Variants in RIMKLA observed in about 807,000 individuals in gnomAD.
RIMKLA encodes ribosomal modification protein rimK like family member A.
A neutral mutation model predicts 32.7 loss-of-function variants in RIMKLA; 14 were observed. The ratio of observed to expected loss-of-function variants is 0.43; its 90% CI spans 0.28 to 0.67. The LOEUF is 0.67. RIMKLA is among the 30% of genes least tolerant of loss of function. RIMKLA has a pLI of 0.18. For synonymous variants in RIMKLA, 176 were observed against 204.1 expected, an observed-to-expected ratio of 0.86 and a Z score of 1.18; for missense variants, 410 against 519.0, an observed-to-expected ratio of 0.79 and a Z score of 2.04.
chr1:42,397,121 C>T (rs1271839690), intron 1 of RIMKLA, among the ~76,000 whole-genome samples: 16 of 152,132 alleles, frequency 1.1e-4, no homozygotes, highest in Non-Finnish European at 1.5e-5. Flanking sequence ...ACATGATCAG[C>T]GGAAGTACAA....
chr1:42,388,489 G>A (rs187810627), intron 1 of RIMKLA, among the ~76,000 whole-genome samples: 15 of 150,920 alleles, frequency 9.9e-5, no homozygotes, highest in African/African-American at 3.4e-4. Flanking sequence ...ACAGGCATGA[G>A]CCACTGTGCT....
Position 42,410,147 on chromosome 1 carries a change from C to A in RIMKLA, c.645C>A (p.Arg215=). ...VGGQVIGSML[R]CSTDGRMQSN... is the part of the protein sequence containing the mutation. ...GCCAGGTCATAGGCTCTATGCTTCG[C>A]TGCTCCACTGATGGACGGATGCAGA... The change falls in exon 4 of 5, where the codon CGC becomes CGA. Residue 215 remains arginine (R), a synonymous_variant. Transcript: ENST00000431473. 1 of 1,614,218 alleles carries A rather than the reference C, an allele frequency of 6.2e-7. No individual in the cohort carries two copies. The highest frequency in any genetic ancestry group is 8.5e-7 in the Non-Finnish European group (1 of 1,180,034).
At chr1:42,387,396 CA>C (rs11418573) in intron 1 of RIMKLA, among the ~76,000 whole-genome samples, 8 of 148,452 alleles carry the variant, frequency 5.4e-5, no homozygotes, top group South Asian at 2.1e-4. Context: ...GACCCTGTTT[CA>C]AAAAAAAAAA....
Position 42,417,432 on chromosome 1 carries a change from C to G in RIMKLA, c.*2458C>G, listed in dbSNP as rs935514536. On this transcript the variant is annotated 3_prime_UTR_variant, in exon 5 of 5. Coordinates refer to ENST00000431473, the MANE Select transcript of RIMKLA (RefSeq NM_173642.4). ...ATACTTGTCACAGCTGGCCACAGGCCTGCTGAAGGAACATGGGGTGTAGAG... is the reference window on the plus strand; with the variant it reads ...ATACTTGTCACAGCTGGCCACAGGCGTGCTGAAGGAACATGGGGTGTAGAG... 5.9e-5 allele frequency: 9 copies of G among 152,246 alleles called. No homozygotes were observed. The highest frequency in any genetic ancestry group is 4.1e-4 in the South Asian group (2 of 4,834). The allele number at this position is 152,246 out of a possible 1,614,324, so 9.4% of individuals were successfully genotyped here.
chr1:42,409,968 C>T lies in RIMKLA; in HGVS notation c.482-16C>T. The T allele has an allele frequency of 6.2e-7, 1 of 1,609,836 alleles. No individual in the cohort carries two copies. The highest frequency in any genetic ancestry group is 2.2e-5 in the East Asian group (1 of 44,850). On this transcript the variant is annotated splice_polypyrimidine_tract_variant and intron_variant, in intron 3 of 4. Coordinates refer to ENST00000431473, the MANE Select transcript of RIMKLA (RefSeq NM_173642.4). ...GGCTTCTCTAACCCCTTCTCTTGCT[C>T]TTTTTCTTCTTAAAGGAAAAGCTGT...
At chr1:42,388,468 G>T (rs867772405) in intron 1 of RIMKLA, among the ~76,000 whole-genome samples, 7 of 151,372 alleles carry the variant, frequency 4.6e-5, no homozygotes, top group African/African-American at 1.2e-4. Context: ...GCCTCCCAAA[G>T]TGCTAGGATT....
intron 3 of RIMKLA, among the ~76,000 whole-genome samples, chr1:42,405,708 G>C (rs1393816537): frequency 6.6e-6 from 1 of 152,226 alleles, no homozygotes; most frequent in East Asian, 1.9e-4. Context: ...GCGCTCAAAT[G>C]TGTAGACACA....
At chr1:42,382,669 G>A (rs567106422) in intron 1 of RIMKLA, among the ~76,000 whole-genome samples, 5 of 152,008 alleles carry the variant, frequency 3.3e-5, no homozygotes, top group South Asian at 2.1e-4. Flanking sequence ...TTGTAGAACC[G>A]TCACAAATTC....
intron 1 of RIMKLA, among the ~76,000 whole-genome samples, chr1:42,394,546 C>T (rs17369630): frequency 0.17 from 25,873 of 152,120 alleles, 2,330 homozygotes; most frequent in East Asian, 0.22. Flanking sequence ...AAATCTTGTC[C>T]GAATTCAAAT....
chr1:42,385,844 C>CTCTCTCTTTCTTTCTT lies in RIMKLA; in HGVS notation c.163+4750_163+4751insCTCTTTCTTTCTTTCT, dbSNP rs1184237388. ...CCTTCCTTCCTTTCTTTCTTTCTTTCTCTTTCTTTCTTTCTTTCTTTCTTT... is the reference window on the plus strand; with the variant it reads ...CCTTCCTTCCTTTCTTTCTTTCTTTCTCTCTCTTTCTTTCTTTCTTTCTTTCTTTCTTTCTTTCTTT... On this transcript the variant is annotated intron_variant, in intron 1 of 4. Coordinates refer to ENST00000431473, the MANE Select transcript of RIMKLA (RefSeq NM_173642.4). Among the ~76,000 whole-genome samples the CTCTCTCTTTCTTTCTT allele has an allele frequency of 1.2e-4, 7 of 57,080 alleles. 1 individual carries two copies. Among genetic ancestry groups the CTCTCTCTTTCTTTCTT allele is most frequent in the African/African-American group, 4.6e-4 (7 of 15,142 alleles). The allele number at this position is 57,080 out of a possible 152,430, so 37.4% of individuals were successfully genotyped here.
At position 42,421,540 on chromosome 1, in the gene RIMKLA, C is replaced by T. The variant is rs1643295453; in HGVS notation, c.*6566C>T. On this transcript the variant is annotated 3_prime_UTR_variant, in exon 5 of 5. Coordinates refer to ENST00000431473, the MANE Select transcript of RIMKLA (RefSeq NM_173642.4). This position sits in a 1 kb window ranked among gnomAD's most constrained non-coding sequence, Gnocchi z 4.6. The stretch of plus-strand genomic sequence containing the variant: ...ATCCGGAGTGGGACTCCCGTAATCT[C>T]CTATTTAGAAGGAACACTGATCTGC... The T allele has an allele frequency of 6.6e-6, 1 of 152,308 alleles. No homozygotes were observed. Among genetic ancestry groups the T allele is most frequent in the South Asian group, 2.1e-4 (1 of 4,828 alleles). The allele number at this position is 152,308 out of a possible 1,614,324, so 9.4% of individuals were successfully genotyped here.
chr1:42,385,256 G>A (rs1006144698), intron 1 of RIMKLA, among the ~76,000 whole-genome samples: 1 of 152,166 alleles, frequency 6.6e-6, no homozygotes, highest in Non-Finnish European at 1.5e-5. Flanking sequence ...GCTTCTGTGT[G>A]GGGGAGATCA....
intron 1 of RIMKLA, among the ~76,000 whole-genome samples, chr1:42,398,586 A>G (rs1643067220): frequency 6.6e-6 from 1 of 152,210 alleles, no homozygotes; most frequent in Non-Finnish European, 1.5e-5. Context: ...CTGTTTATAT[A>G]GTGGAGATCA....
intron 1 of RIMKLA, chr1:42,396,538 G>A (rs961935949): frequency 6.6e-6 from 1 of 152,202 alleles, no homozygotes; most frequent in Non-Finnish European, 1.5e-5. Flanking sequence ...TGCTCGTTGA[G>A]GCTGAGTTGT....
Position 42,418,069 on chromosome 1 carries a change from G to C in RIMKLA, c.*3095G>C, listed in dbSNP as rs1190110577. ...AAACTTAAGACCTGAAAGGAATAAG[G>C]CTCTTTGTGTATTCAGACAGCCTTC... On this transcript the variant is annotated 3_prime_UTR_variant, in exon 5 of 5. Coordinates refer to ENST00000431473, the MANE Select transcript of RIMKLA (RefSeq NM_173642.4). 6.6e-6 allele frequency: 1 copy of C among 152,166 alleles called. No individual in the cohort carries two copies. Among genetic ancestry groups the C allele is most frequent in the Non-Finnish European group, 1.5e-5 (1 of 68,032 alleles). The allele number at this position is 152,166 out of a possible 1,614,324, so 9.4% of individuals were successfully genotyped here. A position where few individuals can be genotyped will look rare whatever the true frequency, so the allele number is the denominator to read the frequency against.
chr1:42,394,197 G>A (rs1243849696), intron 1 of RIMKLA, among the ~76,000 whole-genome samples: 1 of 152,226 alleles, frequency 6.6e-6, no homozygotes, highest in African/African-American at 2.4e-5. Flanking sequence ...TACCATAAGT[G>A]AGGTCCTTGT....
chr1:42,405,384 C>T (rs1390787444), intron 3 of RIMKLA, among the ~76,000 whole-genome samples: 3 of 152,224 alleles, frequency 2.0e-5, no homozygotes, highest in Admixed American at 1.3e-4. Flanking sequence ...TCCTGAGCAT[C>T]TGTCTCTGTA....
At chr1:42,381,666 T>C (rs1336963262) in intron 1 of RIMKLA, among the ~76,000 whole-genome samples, 1 of 152,180 alleles carries the variant, frequency 6.6e-6, no homozygotes, top group Non-Finnish European at 1.5e-5. Flanking sequence ...TGGGTTTAAC[T>C]CATCCTTCTC....
chr1:42,399,377 G>A (rs141537900), intron 1 of RIMKLA, 27 bp from the exon 2 acceptor site: 253 of 1,488,960 alleles, frequency 1.7e-4, no homozygotes, highest in Non-Finnish European at 2.2e-4. Flanking sequence ...AGCAGGCACA[G>A]CACTCACTGT....
Sources: gnomAD v4.1 joint callset for allele counts (sites outside exome capture counted in the v4.1 genomes callset) on GRCh38, gnomAD v4.1.1 for gene constraint, Gnocchi (gnomAD v3.1) non-coding constraint, MANE v1.5 for transcripts, NCBI Gene and HGNC (gene_info 2026-07-23, HGNC 2026-07-21) for gene names.